ASTN2: variants seen among roughly 807,000 people sequenced by gnomAD.
ASTN2 encodes the protein astrotactin 2.
In ASTN2, 54 loss-of-function variants were observed where a neutral mutation model predicts 139.8. The ratio of observed to expected loss-of-function variants is 0.39; its 90% CI spans 0.31 to 0.48. The LOEUF is 0.48. ASTN2 is among the 20% of genes least tolerant of loss of function. ASTN2 has a pLI of 0.95. For missense variants in ASTN2, 1,565 were observed against 1,725.1 expected (o/e 0.91, Z 1.64); for synonymous variants, 756 against 719.5 (o/e 1.05, Z -0.81).
At position 116,761,423 on chromosome 9, in the gene ASTN2, G is replaced by A. The variant is rs10983340; in HGVS notation, c.2397-27900C>T. ...AAGGTGCTCTCTGCAAGAGAAGAGCGCAGAGTAGGAAGGATCACTCAGCCT... is the reference window on the plus strand; with the variant it reads ...AAGGTGCTCTCTGCAAGAGAAGAGCACAGAGTAGGAAGGATCACTCAGCCT... On this transcript the variant is annotated intron_variant, in intron 13 of 22. Coordinates refer to ENST00000313400, the MANE Select transcript of ASTN2 (RefSeq NM_001365068.1). Among the ~76,000 whole-genome samples the A allele has an allele frequency of 6.4e-4, 97 of 152,304 alleles. No homozygotes were observed. In the East Asian group the frequency reaches 0.017, roughly 26 times the overall value.
At chr9:116,839,062 CATA>C (rs1456423425) in intron 11 of ASTN2, among the ~76,000 whole-genome samples, 2 of 152,266 alleles carry the variant, frequency 1.3e-5, no homozygotes, top group East Asian at 3.9e-4. Flanking sequence ...CCAGAGAAAG[CATA>C]ATAACAGTAT....
At chr9:117,025,176 A>C (rs905193343) in intron 6 of ASTN2, among the ~76,000 whole-genome samples, 6 of 152,134 alleles carry the variant, frequency 3.9e-5, no homozygotes, top group Admixed American at 1.3e-4. Context: ...AACAAAACAG[A>C]GTCTGGGCCT....
At chr9:117,004,597 C>A (rs1837302655) in intron 7 of ASTN2, among the ~76,000 whole-genome samples, 1 of 152,152 alleles carries the variant, frequency 6.6e-6, no homozygotes, top group Non-Finnish European at 1.5e-5. Context: ...GTGAAGAAAT[C>A]CTCAAATAGA....
intron 5 of ASTN2, among the ~76,000 whole-genome samples, chr9:117,058,204 A>G (rs924026045): frequency 1.3e-5 from 2 of 152,204 alleles, no homozygotes; most frequent in Admixed American, 1.3e-4. Context: ...GGATAAATGA[A>G]TGAATGGACA....
chr9:116,920,021 C>A (rs1834557101), intron 10 of ASTN2, among the ~76,000 whole-genome samples: 2 of 152,030 alleles, frequency 1.3e-5, no homozygotes, highest in Admixed American at 1.3e-4. Context: ...AGAAACAGCA[C>A]TTCCTGCTCT....
At chr9:116,820,867 CAT>C (rs1831467036) in intron 11 of ASTN2, 84 bp from the exon 12 acceptor site, 2 of 1,393,996 alleles carry the variant, frequency 1.4e-6, no homozygotes, top group Non-Finnish European at 1.9e-6. Flanking sequence ...CTGGAAGAGA[CAT>C]GTGTCAGGGC....
intron 11 of ASTN2, among the ~76,000 whole-genome samples, chr9:116,843,886 A>C (rs4836877): frequency 0.19 from 29,171 of 152,074 alleles, 3,157 homozygotes; most frequent in East Asian, 0.5. Flanking sequence ...CCAGGTAACA[A>C]ACCTGCACAT....
intron 7 of ASTN2, among the ~76,000 whole-genome samples, chr9:117,003,983 G>A (rs564526359): frequency 4.0e-4 from 58 of 145,502 alleles, no homozygotes; most frequent in South Asian, 8.6e-4. Flanking sequence ...TGTGTTTTGC[G>A]TGTTGGGGTA....
At chr9:116,524,269 T>C (rs1298918780) in intron 19 of ASTN2, among the ~76,000 whole-genome samples, 1 of 152,222 alleles carries the variant, frequency 6.6e-6, no homozygotes, top group Non-Finnish European at 1.5e-5. Context: ...ATTTTTGTTA[T>C]AGACTTACCT....
intron 19 of ASTN2, among the ~76,000 whole-genome samples, chr9:116,534,742 C>A (rs1851533589): frequency 6.6e-6 from 1 of 152,144 alleles, no homozygotes; most frequent in South Asian, 2.1e-4. Flanking sequence ...GTTTTAATTC[C>A]TGTTCTTTTA....
In ASTN2 at chr9:117,214,221, A is replaced by G. The variant is rs951314750; in HGVS notation, c.1015+137T>C. The G allele has an allele frequency of 5.7e-6, 6 of 1,058,928 alleles. No homozygotes were observed. The African/African-American group carries it at 7.9e-5, about 14-fold the overall frequency. 65.6% of individuals were successfully genotyped at this position (1,058,928 alleles called of 1,614,324 possible). ...GAGAAGACAAACTTGATAACCCAAC[A>G]GAAATCTAAAGCCATAAATCCAAAG... On this transcript the variant is annotated intron_variant, in intron 3 of 22. Transcript: ENST00000313400.
intron 1 of ASTN2, among the ~76,000 whole-genome samples, chr9:117,312,883 A>G (rs1216349466): frequency 1.3e-5 from 2 of 152,142 alleles, no homozygotes; most frequent in African/African-American, 2.4e-5. Context: ...AAAACCGTAA[A>G]AAAAACCCAT....
intron 16 of ASTN2, among the ~76,000 whole-genome samples, chr9:116,653,026 T>G (rs1055663048): frequency 1.3e-5 from 2 of 152,218 alleles, no homozygotes; most frequent in Non-Finnish European, 2.9e-5. Context: ...GTGTTTCTAT[T>G]TATGAGATCT....
At chr9:116,722,283 T>C (rs569806922) in intron 16 of ASTN2, among the ~76,000 whole-genome samples, 2 of 144,388 alleles carry the variant, frequency 1.4e-5, no homozygotes, top group South Asian at 2.2e-4. Flanking sequence ...GAAAAAGCAG[T>C]TGGGAAATGT....
intron 1 of ASTN2, among the ~76,000 whole-genome samples, chr9:117,377,390 G>A (rs1046098895): frequency 7.2e-5 from 11 of 152,182 alleles, no homozygotes; most frequent in African/African-American, 2.4e-4. Flanking sequence ...GGCAGGACCC[G>A]CCTCACCTGT....
At chr9:117,247,682 C>T (rs1013150845) in intron 2 of ASTN2, among the ~76,000 whole-genome samples, 2 of 152,234 alleles carry the variant, frequency 1.3e-5, no homozygotes, top group Non-Finnish European at 2.9e-5. Flanking sequence ...GTGACAGGCC[C>T]ACAGCCCACA....
intron 2 of ASTN2, among the ~76,000 whole-genome samples, chr9:117,215,885 A>G (rs1832302901): frequency 6.6e-6 from 1 of 152,208 alleles, no homozygotes; most frequent in African/African-American, 2.4e-5. Context: ...CCCTTGTTGT[A>G]TACAGGGTAG....
intron 4 of ASTN2, among the ~76,000 whole-genome samples, chr9:117,106,283 G>A (rs917020909): frequency 9.2e-5 from 14 of 151,994 alleles, no homozygotes; most frequent in African/African-American, 2.9e-4. Flanking sequence ...CTGGAGTGCA[G>A]TAGCGCAATC....
At chr9:117,123,903 A>G (rs1285582342) in intron 4 of ASTN2, among the ~76,000 whole-genome samples, 1 of 152,048 alleles carries the variant, frequency 6.6e-6, no homozygotes, top group Non-Finnish European at 1.5e-5. Context: ...CTTTCCTCTC[A>G]TCTCTGCGAC....
Sources: gnomAD v4.1 joint callset for allele counts (sites outside exome capture counted in the v4.1 genomes callset) on GRCh38, gnomAD v4.1.1 for gene constraint, MANE v1.5 for transcripts, NCBI Gene and HGNC (gene_info 2026-07-23, HGNC 2026-07-21) for gene names.